GADL1: variants seen among roughly 807,000 people sequenced by gnomAD.
GADL1 encodes acidic amino acid decarboxylase GADL1.
GADL1 carries 71 observed loss-of-function variants against 69.5 expected under a neutral mutation model. The observed-to-expected ratio is 1.02, with a 90% CI of 0.84 to 1.25. GADL1 has a LOEUF of 1.25. GADL1 is among the 50% of genes most tolerant of loss of function. The pLI is 0.00. For missense variants in GADL1, 737 were observed against 631.8 expected (o/e 1.17, Z -1.79); for synonymous variants, 254 against 214.4 (o/e 1.18, Z -1.62).
At chr3:30,767,828 A>C (rs975207946) in intron 14 of GADL1, among the ~76,000 whole-genome samples, 17 of 152,198 alleles carry the variant, frequency 1.1e-4, no homozygotes, top group African/African-American at 3.9e-4. Context: ...TCCATGCTAC[A>C]AAGACAGCTT....
intron 14 of GADL1, among the ~76,000 whole-genome samples, chr3:30,768,555 GAGAGAA>G (rs374520754): frequency 0.24 from 33,802 of 143,472 alleles, 4,397 homozygotes; most frequent in Non-Finnish European, 0.3. Flanking sequence ...AAGAGGGGGA[GAGAGAA>G]GGGGTGGGGA....
chr3:30,757,189 TAAGA>T (rs1246760952), intron 14 of GADL1, among the ~76,000 whole-genome samples: 3 of 152,018 alleles, frequency 2.0e-5, no homozygotes, highest in African/African-American at 7.3e-5. Flanking sequence ...ATTGAAAAAA[TAAGA>T]AATGGCCTCC....
chr3:30,738,876 C>T (rs1220339265), intron 14 of GADL1, among the ~76,000 whole-genome samples: 1 of 152,192 alleles, frequency 6.6e-6, no homozygotes, highest in African/African-American at 2.4e-5. Context: ...AATTATGATT[C>T]ATTTTCTCAC....
intron 2 of GADL1, among the ~76,000 whole-genome samples, chr3:30,859,543 A>G (rs1415039474): frequency 1.3e-5 from 2 of 151,966 alleles, no homozygotes; most frequent in Non-Finnish European, 2.9e-5. Flanking sequence ...GGCACAGAAT[A>G]GTTATATAAC....
chr3:30,771,772 A>G (rs1427644747), intron 14 of GADL1, among the ~76,000 whole-genome samples: 7 of 152,170 alleles, frequency 4.6e-5, no homozygotes, highest in Admixed American at 4.6e-4. Context: ...TGACAAAATC[A>G]GAGTTCTGAA....
chr3:30,791,651 TTG>T (rs1222313256), intron 12 of GADL1, among the ~76,000 whole-genome samples: 1 of 150,980 alleles, frequency 6.6e-6, no homozygotes, highest in East Asian at 1.9e-4. Context: ...GATCTGGGCT[TTG>T]TGTTGGGGTA....
intron 6 of GADL1, 128 bp downstream of exon 6, chr3:30,849,868 A>T (rs1351444632): frequency 1.8e-6 from 1 of 562,320 alleles, no homozygotes; most frequent in South Asian, 2.7e-5. Context: ...GGAATGAAAT[A>T]CTATGTTATA....
At chr3:30,826,180 G>C (rs1028808928) in intron 11 of GADL1, among the ~76,000 whole-genome samples, 1 of 151,684 alleles carries the variant, frequency 6.6e-6, no homozygotes, top group Non-Finnish European at 1.5e-5. Context: ...AATCAGTTTT[G>C]TTTCAAGCTG....
At chr3:30,881,423 T>G (rs1327570956) in intron 1 of GADL1, among the ~76,000 whole-genome samples, 1 of 151,838 alleles carries the variant, frequency 6.6e-6, no homozygotes, top group African/African-American at 2.4e-5. Context: ...GCTAAAAAAC[T>G]AGAAGACAAA....
intron 14 of GADL1, among the ~76,000 whole-genome samples, chr3:30,752,432 CTG>C (rs557442100): frequency 1.1e-3 from 167 of 149,610 alleles, no homozygotes; most frequent in African/African-American, 4.2e-3. Flanking sequence ...ACAATGGAGT[CTG>C]TGCCGCAGCC....
chr3:30,731,656 C>T (rs1575176638), intron 14 of GADL1, among the ~76,000 whole-genome samples: 3 of 152,128 alleles, frequency 2.0e-5, no homozygotes, highest in Admixed American at 6.6e-5. Flanking sequence ...ACTTCTAGGA[C>T]AAATTTTGTT....
At chr3:30,878,737 C>G (rs1247706581) in intron 1 of GADL1, among the ~76,000 whole-genome samples, 1 of 151,786 alleles carries the variant, frequency 6.6e-6, no homozygotes, top group Non-Finnish European at 1.5e-5. Context: ...TTGTTTTAAG[C>G]GTATTGTGGT....
At chr3:30,812,600 G>C (rs1697378632) in intron 11 of GADL1, among the ~76,000 whole-genome samples, 1 of 152,138 alleles carries the variant, frequency 6.6e-6, no homozygotes. Flanking sequence ...AGGAATTGTG[G>C]GAGCTACAAT....
intron 4 of GADL1, among the ~76,000 whole-genome samples, chr3:30,851,909 A>G (rs995575702): frequency 5.4e-5 from 8 of 147,028 alleles, no homozygotes; most frequent in Non-Finnish European, 1.2e-4. Context: ...GGGAACCCAC[A>G]TTGTAACAGT....
intron 11 of GADL1, among the ~76,000 whole-genome samples, chr3:30,809,089 G>A (rs1486312090): frequency 6.6e-6 from 1 of 152,182 alleles, no homozygotes; most frequent in African/African-American, 2.4e-5. Flanking sequence ...CATTTCCTGA[G>A]TGTCTACTCA....
At chr3:30,833,468 G>A (rs1697823672) in intron 11 of GADL1, among the ~76,000 whole-genome samples, 1 of 151,976 alleles carries the variant, frequency 6.6e-6, no homozygotes. Flanking sequence ...TTTAATGTAT[G>A]ACACACATCT....
intron 14 of GADL1, among the ~76,000 whole-genome samples, chr3:30,745,812 C>T (rs2125475073): frequency 6.6e-6 from 1 of 152,210 alleles, no homozygotes; most frequent in East Asian, 1.9e-4. Context: ...TTTTCCAATA[C>T]ATTCTCTGCC....
At chr3:30,837,182 G>A (rs1266218042) in intron 9 of GADL1, among the ~76,000 whole-genome samples, 1 of 151,982 alleles carries the variant, frequency 6.6e-6, no homozygotes, top group African/African-American at 2.4e-5. Flanking sequence ...TTTGAAAGAA[G>A]CTTTAAAATA....
chr3:30,815,753 A>G (rs1697456764), intron 11 of GADL1, among the ~76,000 whole-genome samples: 1 of 152,196 alleles, frequency 6.6e-6, no homozygotes, highest in African/African-American at 2.4e-5. Context: ...ATCTTTCTAA[A>G]TCAATGTTTT....
Sources: allele counts gnomAD v4.1 joint callset (sites outside exome capture counted in the v4.1 genomes callset), GRCh38; gene constraint gnomAD v4.1.1; transcripts MANE v1.5; gene names NCBI Gene and HGNC (gene_info 2026-07-23, HGNC 2026-07-21).